The following GCNT2 variants were observed in gnomAD, a reference collection of about 807,000 sequenced individuals.
The protein encoded by GCNT2 is N-acetyllactosaminide beta-1,6-N-acetylglucosaminyl-transferase.
GCNT2 carries 34 observed loss-of-function variants against 34.2 expected under a neutral mutation model. The observed-to-expected ratio is 1.00, with a 90% confidence interval of 0.76 to 1.32. GCNT2 has a LOEUF of 1.32. Ranked by LOEUF, GCNT2 falls within the 40% of genes most tolerant of loss-of-function variation. The probability of loss-of-function intolerance (pLI) is 0.00; values close to 1 mark genes in which losing one functional copy is unlikely to be tolerated. For synonymous variants in GCNT2, 212 were observed against 188.0 expected (o/e 1.13, Z -1.04); for missense variants, 584 against 489.4 (o/e 1.19, Z -1.82).
intron 3 of GCNT2, chr6:10,557,096 G>A: frequency 1.3e-6 from 2 of 1,582,128 alleles, no homozygotes; most frequent in Non-Finnish European, 1.7e-6. Context: ...TCATGCAATT[G>A]GACGGACTAA....
chr6:10,522,835 T>C (rs1760983619), intron 1 of GCNT2, among the ~76,000 whole-genome samples: 1 of 152,096 alleles, frequency 6.6e-6, no homozygotes, highest in Non-Finnish European at 1.5e-5. Flanking sequence ...GGCACGGAGA[T>C]TGGGCTGCTG....
At chr6:10,530,625 C>T (rs1313482146) in intron 3 of GCNT2, among the ~76,000 whole-genome samples, 2 of 150,820 alleles carry the variant, frequency 1.3e-5, no homozygotes, top group Admixed American at 6.6e-5. Flanking sequence ...AATCCCAGCG[C>T]TTTGGAAGGC....
In GCNT2 at chr6:10,606,757, G is replaced by A. The variant is rs533415009; in HGVS notation, c.926-14594G>A. ...ATTTTAAAAATAAAATGCAGAAAACGATAAAGACTAAAATAAAAATCATCA... is the reference window on the plus strand; with the variant it reads ...ATTTTAAAAATAAAATGCAGAAAACAATAAAGACTAAAATAAAAATCATCA... On this transcript the variant is annotated intron_variant, in intron 3 of 4. Coordinates refer to ENST00000495262, the MANE Select transcript of GCNT2 (RefSeq NM_145649.5). Among the ~76,000 whole-genome samples, 413 of 128,654 alleles carry A rather than the reference G, an allele frequency of 3.2e-3. 2 individuals carry two copies. Among genetic ancestry groups the A allele is most frequent in the Admixed American group, 6.0e-3 (77 of 12,744 alleles). 84.4% of individuals were successfully genotyped at this position (128,654 alleles called of 152,430 possible).
At chr6:10,538,095 A>C (rs373312341) in intron 3 of GCNT2, among the ~76,000 whole-genome samples, 1 of 152,140 alleles carries the variant, frequency 6.6e-6, no homozygotes, top group Admixed American at 6.5e-5. Flanking sequence ...TGGCTTTCAC[A>C]CATCATAAGG....
chr6:10,597,242 G>A (rs898596091), intron 3 of GCNT2, among the ~76,000 whole-genome samples: 1 of 140,552 alleles, frequency 7.1e-6, no homozygotes, highest in South Asian at 2.2e-4. Context: ...TGCAACCTCT[G>A]CCTCCTGGGC....
chr6:10,556,890 C>A (rs1258392132), intron 3 of GCNT2: 2 of 1,613,974 alleles, frequency 1.2e-6, no homozygotes, highest in Non-Finnish European at 1.7e-6. Flanking sequence ...AAGATGGAAC[C>A]CGTTGTCTAT....
At chr6:10,601,934 C>A (rs1267919017) in intron 3 of GCNT2, among the ~76,000 whole-genome samples, 1 of 124,014 alleles carries the variant, frequency 8.1e-6, no homozygotes, top group Non-Finnish European at 1.6e-5. Context: ...GAGCGAGACT[C>A]CATCTCAAGA....
rs144968790 is a variant in GCNT2 at position 10,578,991 on chromosome 6, G to C, written c.926-42360G>C. Among the ~76,000 whole-genome samples, 66 of 152,270 alleles carry C rather than the reference G, an allele frequency of 4.3e-4. No individual in the cohort carries two copies. The East Asian group carries it at 0.01, about 24-fold the overall frequency. On this transcript the variant is annotated intron_variant, in intron 3 of 4. Transcript: ENST00000495262. ...GAAAGTTAAGCTTATCTTCAGAATGGATGCTGAGGCAACATCAAACTATAG... is the reference window on the plus strand; with the variant it reads ...GAAAGTTAAGCTTATCTTCAGAATGCATGCTGAGGCAACATCAAACTATAG...
At chr6:10,606,387 C>T (rs1394996822) in intron 3 of GCNT2, among the ~76,000 whole-genome samples, 1 of 152,134 alleles carries the variant, frequency 6.6e-6, no homozygotes, top group East Asian at 1.9e-4. Context: ...GGTAGAGAAA[C>T]ATTTTCCCCC....
chr6:10,574,072 T>A (rs1287470812), intron 3 of GCNT2, among the ~76,000 whole-genome samples: 2 of 152,238 alleles, frequency 1.3e-5, no homozygotes, highest in Non-Finnish European at 2.9e-5. Flanking sequence ...TTTTATATAC[T>A]AGCCTATTTC....
chr6:10,556,014 T>C lies in GCNT2; in HGVS notation c.925+26178T>C, dbSNP rs1158168502. On this transcript the variant is annotated intron_variant, in intron 3 of 4. Coordinates refer to ENST00000495262, the MANE Select transcript of GCNT2 (RefSeq NM_145649.5). ...ACTTCAACTCTGGCTTTCACTGCGC[T>C]CATTCCCTGAATGGCAGTAACCAGG... 5 of 1,126,972 alleles carry C rather than the reference T, an allele frequency of 4.4e-6. No individual in the cohort carries two copies. In the East Asian group the frequency reaches 2.8e-4, roughly 64 times the overall value. 69.8% of individuals were successfully genotyped at this position (1,126,972 alleles called of 1,614,324 possible).
At position 10,581,735 on chromosome 6, in the gene GCNT2, A is replaced by G. The variant is rs1480822018; in HGVS notation, c.926-39616A>G. 5 of 985,066 alleles carry G rather than the reference A, an allele frequency of 5.1e-6. No individual in the cohort carries two copies. In the African/African-American group the frequency reaches 7.0e-5, roughly 14 times the overall value. The allele number at this position is 985,066 out of a possible 1,614,324, so 61.0% of individuals were successfully genotyped here. ...AGGATCAAGGCTTGAGGCAAAGAGA[A>G]GGGAAAAAACCGACTGAACCTGCAA... is the stretch of plus-strand genomic sequence containing the variant. On this transcript the variant is annotated intron_variant, in intron 3 of 4. Transcript: ENST00000495262.
intron 3 of GCNT2, among the ~76,000 whole-genome samples, chr6:10,558,893 C>T (rs1762841985): frequency 6.6e-6 from 1 of 152,180 alleles, no homozygotes; most frequent in South Asian, 2.1e-4. Context: ...TTCCACCATT[C>T]GCATATCATT....
chr6:10,598,435 T>C (rs921615498), intron 3 of GCNT2, among the ~76,000 whole-genome samples: 2 of 152,142 alleles, frequency 1.3e-5, no homozygotes, highest in Non-Finnish European at 2.9e-5. Flanking sequence ...CCGTGGACAG[T>C]AGGATTAATG....
intron 3 of GCNT2, among the ~76,000 whole-genome samples, chr6:10,608,266 G>A (rs1001123987): frequency 6.6e-6 from 1 of 151,848 alleles, no homozygotes; most frequent in South Asian, 2.1e-4. Flanking sequence ...TAGTAGAGAC[G>A]GGGTTTCTCC....
intron 3 of GCNT2, among the ~76,000 whole-genome samples, chr6:10,587,207 G>A (rs1365627773): frequency 1.3e-5 from 2 of 152,198 alleles, no homozygotes; most frequent in Admixed American, 1.3e-4. Flanking sequence ...GATAAACACA[G>A]CTGTAACAAA....
chr6:10,592,372 G>A (rs1288809108), intron 3 of GCNT2, among the ~76,000 whole-genome samples: 1 of 152,176 alleles, frequency 6.6e-6, no homozygotes, highest in Non-Finnish European at 1.5e-5. Flanking sequence ...AACCTCTTCA[G>A]TAAAGGGCTC....
At chr6:10,522,521 G>T (rs1353627624) in intron 1 of GCNT2, among the ~76,000 whole-genome samples, 1 of 152,190 alleles carries the variant, frequency 6.6e-6, no homozygotes, top group Non-Finnish European at 1.5e-5. Flanking sequence ...TTTTCCAGAA[G>T]AAATAGGGAG....
intron 3 of GCNT2, among the ~76,000 whole-genome samples, chr6:10,547,257 T>A (rs1292325543): frequency 2.0e-5 from 3 of 152,222 alleles, no homozygotes; most frequent in Admixed American, 6.5e-5. Context: ...CACCCCCATG[T>A]AACCACAGTA....
Sources: allele counts gnomAD v4.1 joint callset (sites outside exome capture counted in the v4.1 genomes callset), GRCh38; gene constraint gnomAD v4.1.1; transcripts MANE v1.5; gene names NCBI Gene and HGNC (gene_info 2026-07-23, HGNC 2026-07-21).